The following DNAJC3 variants were observed in gnomAD, a reference collection of about 807,000 sequenced individuals.
The protein encoded by DNAJC3 is dnaJ homolog subfamily C member 3.
DNAJC3 carries 38 observed loss-of-function variants against 68.6 expected under a neutral mutation model. The ratio of observed to expected loss-of-function variants is 0.55; its 90% confidence interval spans 0.43 to 0.73. The LOEUF is 0.73. DNAJC3 is among the 30% of genes least tolerant of loss of function. DNAJC3 has a pLI of 0.00. For synonymous variants in DNAJC3, 203 were observed against 204.0 expected, an observed-to-expected ratio of 1.00 and a Z score of 0.04; for missense variants, 526 against 591.9, an observed-to-expected ratio of 0.89 and a Z score of 1.16.
intron 1 of DNAJC3, among the ~76,000 whole-genome samples, chr13:95,699,832 C>T (rs1880539323): frequency 2.0e-5 from 3 of 151,218 alleles, no homozygotes; most frequent in Admixed American, 6.6e-5. Flanking sequence ...TTTTCTTTTT[C>T]TTTTTTAAAC....
chr13:95,683,138 T>C (rs191984927), intron 1 of DNAJC3, among the ~76,000 whole-genome samples: 2 of 152,332 alleles, frequency 1.3e-5, no homozygotes, highest in Admixed American at 1.3e-4. Context: ...GAGCTTTTTT[T>C]CCCTCTCTCA....
intron 1 of DNAJC3, among the ~76,000 whole-genome samples, chr13:95,678,136 G>T (rs1879812351): frequency 2.6e-5 from 4 of 152,218 alleles, no homozygotes; most frequent in Admixed American, 2.6e-4. Flanking sequence ...TGGCAGCGGG[G>T]AGGAGTAAGA....
chr13:95,751,065 T>C (rs1882464258), intron 4 of DNAJC3, among the ~76,000 whole-genome samples: 1 of 152,076 alleles, frequency 6.6e-6, no homozygotes, highest in African/African-American at 2.4e-5. Flanking sequence ...TGAGGCCATG[T>C]CTCTACAGAA....
At chr13:95,707,434 T>C (rs1215219036) in intron 1 of DNAJC3, among the ~76,000 whole-genome samples, 1 of 152,180 alleles carries the variant, frequency 6.6e-6, no homozygotes, top group African/African-American at 2.4e-5. Flanking sequence ...TGTCCCTCAG[T>C]ACTTCATTAC....
chr13:95,744,040 C>T (rs1368031260), intron 4 of DNAJC3, among the ~76,000 whole-genome samples: 3 of 152,106 alleles, frequency 2.0e-5, no homozygotes, highest in Non-Finnish European at 4.4e-5. Flanking sequence ...AATAAACTTA[C>T]AGATTAATTT....
intron 9 of DNAJC3, among the ~76,000 whole-genome samples, chr13:95,766,772 G>A (rs1883004103): frequency 6.6e-6 from 1 of 150,872 alleles, no homozygotes; most frequent in African/African-American, 2.4e-5. Context: ...TCGGTTCACT[G>A]CAACTTCCGC....
At chr13:95,775,605 T>G (rs368847098) in intron 9 of DNAJC3, among the ~76,000 whole-genome samples, 5 of 152,326 alleles carry the variant, frequency 3.3e-5, no homozygotes, top group African/African-American at 1.2e-4. Context: ...ATTTTAAGTA[T>G]GTGTTAGTAT....
intron 1 of DNAJC3, among the ~76,000 whole-genome samples, chr13:95,703,253 G>A (rs1207204298): frequency 2.0e-5 from 3 of 152,160 alleles, no homozygotes; most frequent in Non-Finnish European, 4.4e-5. Context: ...ACAGCTAATG[G>A]CAGTGTCTTT....
chr13:95,777,071 G>T (rs1883313264), intron 9 of DNAJC3, among the ~76,000 whole-genome samples: 1 of 152,138 alleles, frequency 6.6e-6, no homozygotes, highest in South Asian at 2.1e-4. Context: ...TCTTATAGTA[G>T]TTTCCTCAGG....
At chr13:95,764,591 TTG>T (rs1402639194) in intron 9 of DNAJC3, among the ~76,000 whole-genome samples, 1 of 144,550 alleles carries the variant, frequency 6.9e-6, no homozygotes, top group Non-Finnish European at 1.5e-5. Context: ...TGTCCTGTTT[TTG>T]GAAGATAACT....
intron 4 of DNAJC3, among the ~76,000 whole-genome samples, chr13:95,729,290 C>T (rs1385015728): frequency 8.9e-6 from 1 of 112,992 alleles, no homozygotes; most frequent in Admixed American, 9.2e-5. Context: ...CCCTCCCTCT[C>T]CTTCTCCCTC....
chr13:95,791,160 G>GAAA lies in DNAJC3; in HGVS notation c.*134_*136dup, dbSNP rs551779326. 9.4e-7 allele frequency: 1 copy of GAAA among 1,060,290 alleles called. No individual in the cohort carries two copies. Among genetic ancestry groups the GAAA allele is most frequent in the East Asian group, 2.6e-5 (1 of 38,838 alleles). 65.7% of individuals were successfully genotyped at this position (1,060,290 alleles called of 1,614,324 possible). ...CATGACCAAAGAGTTGCTTTAATAG[G>GAAA]AAAAAATCTGTTCTTATCCCTGTCA... On this transcript the variant is annotated 3_prime_UTR_variant, in exon 12 of 12. Transcript: ENST00000602402.
intron 10 of DNAJC3, among the ~76,000 whole-genome samples, 176 bp from the exon 11 acceptor site, chr13:95,786,829 CAG>C (rs1459343187): frequency 2.0e-5 from 3 of 152,164 alleles, no homozygotes; most frequent in Admixed American, 6.5e-5. Flanking sequence ...AGCCTGATGT[CAG>C]CTTTAATGAT....
chr13:95,755,756 CAAAAAAAAAAAAAAAAAAA>C (rs56659621), intron 4 of DNAJC3, among the ~76,000 whole-genome samples: 1 of 15,086 alleles, frequency 6.6e-5, no homozygotes, highest in Non-Finnish European at 1.6e-4. Flanking sequence ...GACGCCGTCT[CAAAAAAAAAAAAAAAAAAA>C]AAAAAAAAAA....
At position 95,709,319 on chromosome 13, in the gene DNAJC3, C is replaced by T; in HGVS notation, c.175C>T (p.Gln59Ter). 6.3e-7 allele frequency: 1 copy of T among 1,587,866 alleles called. No individual in the cohort carries two copies. The change falls in exon 2 of 12, where the codon CAG becomes TAG. Residue 59 changes from glutamine to a stop codon, truncating the protein, a stop_gained. Transcript: ENST00000602402. LOFTEE classifies it high-confidence loss of function. ...AAGQLADALS[Q>*]FHAAVDGDPD... ...TGGACAGCTAGCTGATGCTTTATCT[C>T]AGTTTCATGCTGCCGTAGGTTTGTA...
intron 2 of DNAJC3, among the ~76,000 whole-genome samples, chr13:95,710,398 T>G (rs1269772059): frequency 6.6e-6 from 1 of 151,954 alleles, no homozygotes; most frequent in Non-Finnish European, 1.5e-5. Flanking sequence ...ACAACTTTTA[T>G]TTTTTATATT....
intron 2 of DNAJC3, among the ~76,000 whole-genome samples, chr13:95,713,623 A>G (rs1027117551): frequency 3.3e-5 from 5 of 152,172 alleles, no homozygotes; most frequent in African/African-American, 1.2e-4. Flanking sequence ...ATTGAAATTG[A>G]CTCGCTGATT....
chr13:95,683,840 A>C (rs1879994061), intron 1 of DNAJC3, among the ~76,000 whole-genome samples: 1 of 150,824 alleles, frequency 6.6e-6, no homozygotes, highest in South Asian at 2.1e-4. Flanking sequence ...AGGCTGAGGC[A>C]GAGAATTGCT....
intron 4 of DNAJC3, chr13:95,745,791 G>T (rs1447895221): frequency 6.6e-6 from 1 of 152,146 alleles, no homozygotes; most frequent in Non-Finnish European, 1.5e-5. Flanking sequence ...TTGTTATTTA[G>T]GTTGACACTC....
Sources: allele counts gnomAD v4.1 joint callset (sites outside exome capture counted in the v4.1 genomes callset), GRCh38; gene constraint gnomAD v4.1.1; transcripts MANE v1.5; gene names NCBI Gene and HGNC (gene_info 2026-07-23, HGNC 2026-07-21).